Variants in EMB observed in about 807,000 individuals in gnomAD.
EMB encodes the protein embigin.
A neutral mutation model predicts 41.4 loss-of-function variants in EMB; 31 were observed. That is an observed-to-expected ratio of 0.75 (90% CI 0.56 to 1.01). The LOEUF is 1.01. Among genes scored for constraint, EMB ranks in the 50% least tolerant of loss-of-function variants. The probability of loss-of-function intolerance (pLI) is 0.00; values close to 1 mark genes in which losing one functional copy is unlikely to be tolerated. For synonymous variants in EMB, 137 were observed against 140.4 expected (o/e 0.98, Z 0.17); for missense variants, 379 against 388.3 (o/e 0.98, Z 0.20).
At chr5:50,442,170 A>G (rs1745925996), upstream of EMB, among the ~76,000 whole-genome samples, 1 of 152,042 alleles carries the variant, frequency 6.6e-6, no homozygotes, top group East Asian at 1.9e-4. Flanking sequence ...TTTGAAGTTC[A>G]GCTTTCACAT....
At chr5:50,426,242 T>C (rs536849722) in intron 2 of EMB, among the ~76,000 whole-genome samples, 3 of 152,350 alleles carry the variant, frequency 2.0e-5, no homozygotes, top group African/African-American at 7.2e-5. Context: ...TCAGGAACTG[T>C]GATCCTGGTC....
rs939785829 is a variant in EMB, at chr5:50,397,140, C to G, written c.*2133G>C. The G allele has an allele frequency of 7.2e-5, 11 of 152,008 alleles. No homozygotes were observed. The highest frequency in any genetic ancestry group is 1.3e-4 in the Non-Finnish European group (9 of 68,000). The allele number at this position is 152,008 out of a possible 1,614,324, so 9.4% of individuals were successfully genotyped here. A position where few individuals can be genotyped will look rare whatever the true frequency, so the allele number is the denominator to read the frequency against. ...AATATATAAACTTGGAGTAGTTTTCCTACTTCAACTTTTATGCGGCTTATT... is the reference window on the plus strand; with the variant it reads ...AATATATAAACTTGGAGTAGTTTTCGTACTTCAACTTTTATGCGGCTTATT... On this transcript the variant is annotated 3_prime_UTR_variant, in exon 9 of 9. Coordinates refer to ENST00000303221, the MANE Select transcript of EMB (RefSeq NM_198449.3).
chr5:50,399,581 T>C (rs184942310), intron 8 of EMB, among the ~76,000 whole-genome samples: 9 of 151,966 alleles, frequency 5.9e-5, no homozygotes, highest in African/African-American at 1.9e-4. Context: ...ACATGAAAAA[T>C]TGTAAAAGAA....
rs373289093 is a variant in EMB at position 50,410,994 on chromosome 5, G to A, written c.384-29C>T. On this transcript the variant is annotated intron_variant, in intron 3 of 8. Transcript: ENST00000303221. ...AAGATAATTCAAGTTATTAATATAG[G>A]CTTAGTTCTCAAAACCTTAATGAAA... 421 of 1,484,292 alleles carry A rather than the reference G, an allele frequency of 2.8e-4. 1 individual carries two copies. Among genetic ancestry groups the A allele is most frequent in the Non-Finnish European group, 3.6e-4 (396 of 1,090,236 alleles). The allele number at this position is 1,484,292 out of a possible 1,614,324, so 91.9% of individuals were successfully genotyped here.
At chr5:50,404,035 C>A (rs1745210308) in intron 5 of EMB, among the ~76,000 whole-genome samples, 1 of 151,890 alleles carries the variant, frequency 6.6e-6, no homozygotes, top group Non-Finnish European at 1.5e-5. Flanking sequence ...CTTTTCATAT[C>A]TGAATTTCTT....
chr5:50,410,891 G>A lies in EMB; in HGVS notation c.458C>T (p.Thr153Ile). 1 of 1,597,550 alleles carries A rather than the reference G, an allele frequency of 6.3e-7. No individual in the cohort carries two copies. Among genetic ancestry groups the A allele is most frequent in the Non-Finnish European group, 8.5e-7 (1 of 1,172,452 alleles). The change falls in exon 4 of 9, where the codon ACA (threonine) becomes ATA (isoleucine). Residue 153 changes from threonine (T) to isoleucine (I), a missense_variant. Transcript: ENST00000303221. The part of the protein sequence containing the change: ...FFREEKEQRG[T>I]FNFKVPELHG... ...TTAATACTGACCTTTGAAATTAAAT[G>A]TTCCCCTTTGTTCCTTTTCCTCTCG...
At chr5:50,415,285 G>GACA (rs1745410710) in intron 2 of EMB, among the ~76,000 whole-genome samples, 1 of 151,924 alleles carries the variant, frequency 6.6e-6, no homozygotes, top group Non-Finnish European at 1.5e-5. Context: ...CCAACCAAAG[G>GACA]ACAACTTTGG....
chr5:50,432,351 G>C (rs1032855225), intron 1 of EMB, among the ~76,000 whole-genome samples: 1 of 152,028 alleles, frequency 6.6e-6, no homozygotes, highest in Non-Finnish European at 1.5e-5. Flanking sequence ...TCAACATGCA[G>C]TACTTAATTT....
intron 1 of EMB, among the ~76,000 whole-genome samples, chr5:50,436,146 A>G (rs561157074): frequency 6.6e-6 from 1 of 152,282 alleles, no homozygotes; most frequent in African/African-American, 2.4e-5. Flanking sequence ...ATTCATATAC[A>G]CATACAACTT....
intron 2 of EMB, among the ~76,000 whole-genome samples, chr5:50,415,763 T>C (rs1025176333): frequency 6.6e-6 from 1 of 152,126 alleles, no homozygotes; most frequent in African/African-American, 2.4e-5. Flanking sequence ...CTCAAACATA[T>C]TAAATTCTCA....
chr5:50,418,538 G>C (rs1181529428), intron 2 of EMB, among the ~76,000 whole-genome samples: 2 of 152,186 alleles, frequency 1.3e-5, no homozygotes, highest in Non-Finnish European at 1.5e-5. Flanking sequence ...AATAGCAATG[G>C]CAAGTGTCTA....
At chr5:50,407,786 C>T (rs1320559374) in intron 4 of EMB, among the ~76,000 whole-genome samples, 6 of 151,850 alleles carry the variant, frequency 4.0e-5, no homozygotes, top group East Asian at 1.9e-4. Context: ...AGGATGCATA[C>T]GAGTGCTACG....
At chr5:50,440,796 G>A (rs944589447) in intron 1 of EMB, among the ~76,000 whole-genome samples, 1 of 152,078 alleles carries the variant, frequency 6.6e-6, no homozygotes, top group African/African-American at 2.4e-5. Context: ...GCGGGGCGCT[G>A]TTCGTTCAAG....
intron 2 of EMB, among the ~76,000 whole-genome samples, chr5:50,412,630 T>C (rs1416409258): frequency 6.6e-6 from 1 of 151,414 alleles, no homozygotes; most frequent in Non-Finnish European, 1.5e-5. Context: ...GCCCCCACTT[T>C]TAACTGGCCC....
intron 2 of EMB, among the ~76,000 whole-genome samples, chr5:50,426,898 G>C (rs551464876): frequency 4.2e-4 from 44 of 105,640 alleles, no homozygotes; most frequent in Admixed American, 9.8e-4. Context: ...CAGTAAAAAA[G>C]AAAAAAAAAA....
At chr5:50,399,508 G>A (rs752479160) in intron 8 of EMB, among the ~76,000 whole-genome samples, 1 of 151,736 alleles carries the variant, frequency 6.6e-6, no homozygotes, top group African/African-American at 2.4e-5. Context: ...CCAAATATAT[G>A]GGAATAAATG....
intron 1 of EMB, among the ~76,000 whole-genome samples, chr5:50,432,749 G>GT (rs1745741002): frequency 6.0e-5 from 3 of 49,980 alleles, no homozygotes; most frequent in Admixed American, 2.0e-4. Context: ...AGAAAAACAA[G>GT]TAAAAAAAAA....
intron 2 of EMB, among the ~76,000 whole-genome samples, chr5:50,413,178 T>G (rs1277774292): frequency 1.3e-5 from 2 of 152,228 alleles, no homozygotes; most frequent in African/African-American, 2.4e-5. Context: ...CTACACTAAC[T>G]GTATCACTGG....
intron 1 of EMB, among the ~76,000 whole-genome samples, chr5:50,432,663 G>A (rs1388774366): frequency 6.9e-6 from 1 of 145,676 alleles, no homozygotes; most frequent in Non-Finnish European, 1.5e-5. Context: ...CATAAATGCA[G>A]CAGAAAGAGG....
Sources: gnomAD v4.1 joint callset for allele counts (sites outside exome capture counted in the v4.1 genomes callset) on GRCh38, gnomAD v4.1.1 for gene constraint, MANE v1.5 for transcripts, NCBI Gene and HGNC (gene_info 2026-07-23, HGNC 2026-07-21) for gene names.